CCDC178: variants seen among roughly 807,000 people sequenced by gnomAD.
The protein encoded by CCDC178 is coiled-coil domain-containing protein 178.
A neutral mutation model predicts 117.4 loss-of-function variants in CCDC178; 126 were observed. The observed-to-expected ratio is 1.07, with a 90% CI of 0.93 to 1.24. CCDC178 has a LOEUF of 1.24. Ranked by LOEUF, CCDC178 falls within the 50% of genes most tolerant of loss-of-function variation. CCDC178 has a pLI of 0.00. For synonymous variants in CCDC178, 283 were observed against 313.4 expected, an observed-to-expected ratio of 0.90 and a Z score of 1.02; for missense variants, 1,030 against 986.9, an observed-to-expected ratio of 1.04 and a Z score of -0.59.
At chr18:33,033,024 C>T (rs1375089339) in intron 21 of CCDC178, among the ~76,000 whole-genome samples, 1 of 152,038 alleles carries the variant, frequency 6.6e-6, no homozygotes, top group Admixed American at 6.6e-5. Context: ...TGTTTGCTCC[C>T]TGTTACTCTT....
intron 21 of CCDC178, among the ~76,000 whole-genome samples, chr18:33,004,302 G>C (rs1453792773): frequency 1.3e-5 from 2 of 151,934 alleles, no homozygotes. Context: ...TAGACCAATA[G>C]AACAGAATAG....
chr18:33,333,124 TG>T (rs1364234733), intron 10 of CCDC178, 49 bp downstream of exon 10: 2 of 1,184,292 alleles, frequency 1.7e-6, no homozygotes, highest in African/African-American at 3.1e-5. Context: ...GAAAAGTTTT[TG>T]CATAACTAAG....
chr18:33,289,524 G>C (rs1476190853), intron 12 of CCDC178, among the ~76,000 whole-genome samples: 1 of 151,974 alleles, frequency 6.6e-6, no homozygotes, highest in African/African-American at 2.4e-5. Context: ...TGAGGCTGGA[G>C]AATCACTTGA....
intron 6 of CCDC178, among the ~76,000 whole-genome samples, chr18:33,368,231 G>A (rs959400241): frequency 6.6e-6 from 1 of 151,930 alleles, no homozygotes; most frequent in African/African-American, 2.4e-5. Flanking sequence ...TTTATTAAAT[G>A]TCTAGAAAAT....
chr18:33,212,082 C>T (rs763014794), intron 19 of CCDC178, 27 bp from the exon 20 acceptor site: 3 of 1,494,622 alleles, frequency 2.0e-6, no homozygotes, highest in Non-Finnish European at 2.7e-6. Context: ...CCATGTGCCA[C>T]TAATCAATTC....
At chr18:33,273,840 T>C (rs2059915066) in intron 12 of CCDC178, among the ~76,000 whole-genome samples, 2 of 151,722 alleles carry the variant, frequency 1.3e-5, no homozygotes, top group Admixed American at 6.6e-5. Context: ...ACTTAAAGCA[T>C]AGGCAACCAA....
At chr18:33,328,586 G>A (rs909123135) in intron 10 of CCDC178, among the ~76,000 whole-genome samples, 1 of 152,060 alleles carries the variant, frequency 6.6e-6, no homozygotes, top group Non-Finnish European at 1.5e-5. Flanking sequence ...ATAAATGATT[G>A]TTCTTGCACC....
At chr18:32,970,676 A>G (rs2054906460) in intron 22 of CCDC178, among the ~76,000 whole-genome samples, 1 of 152,080 alleles carries the variant, frequency 6.6e-6, no homozygotes, top group Non-Finnish European at 1.5e-5. Flanking sequence ...GATATAAGTG[A>G]AAACAAGATA....
chr18:33,292,126 C>T (rs1295024870), intron 12 of CCDC178, among the ~76,000 whole-genome samples: 1 of 152,014 alleles, frequency 6.6e-6, no homozygotes, highest in Non-Finnish European at 1.5e-5. Context: ...GAGATATCTA[C>T]ACCTTCATGT....
chr18:33,296,438 G>T (rs2062107045), intron 11 of CCDC178, among the ~76,000 whole-genome samples: 1 of 151,684 alleles, frequency 6.6e-6, no homozygotes, highest in South Asian at 2.1e-4. Context: ...ATCATGAAAT[G>T]ATTAGGCTTA....
intron 2 of CCDC178, among the ~76,000 whole-genome samples, chr18:33,436,335 T>C (rs112408361): frequency 2.3e-3 from 357 of 152,240 alleles, no homozygotes; most frequent in African/African-American, 8.0e-3. Context: ...TAACAAGATG[T>C]CCAGGACAGC....
intron 11 of CCDC178, among the ~76,000 whole-genome samples, chr18:33,297,342 A>T (rs2062118437): frequency 6.6e-6 from 1 of 152,086 alleles, no homozygotes; most frequent in Admixed American, 6.5e-5. Flanking sequence ...CAAAAGCAGA[A>T]GTAATAAAAT....
At chr18:33,364,433 G>A (rs2063172093) in intron 6 of CCDC178, among the ~76,000 whole-genome samples, 1 of 152,138 alleles carries the variant, frequency 6.6e-6, no homozygotes, top group Non-Finnish European at 1.5e-5. Flanking sequence ...AAGTGGAATG[G>A]AGAAAGAAAG....
chr18:32,938,773 G>T (rs1053140414), intron 22 of CCDC178, among the ~76,000 whole-genome samples: 1 of 152,116 alleles, frequency 6.6e-6, no homozygotes, highest in African/African-American at 2.4e-5. Flanking sequence ...CACATAAAAA[G>T]TTAGTTCTTG....
At chr18:33,179,561 C>T (rs1025558801) in intron 20 of CCDC178, among the ~76,000 whole-genome samples, 20 of 151,930 alleles carry the variant, frequency 1.3e-4, no homozygotes, top group Non-Finnish European at 2.6e-4. Context: ...ACTAATGTCT[C>T]TCTCTGTCAT....
rs899152972 is a variant in CCDC178, at chr18:33,415,352, T to C, written c.-22-3242A>G. On this transcript the variant is annotated intron_variant, in intron 2 of 22. Coordinates refer to ENST00000383096, the MANE Select transcript of CCDC178 (RefSeq NM_001105528.4). ...TTAAGAAAATGTGGCACATATACAC[T>C]ATGGAATACTATGCAGCCATAAAAA... Among the ~76,000 whole-genome samples, 11 of 152,130 alleles carry C rather than the reference T, an allele frequency of 7.2e-5. No homozygotes were observed. The South Asian group carries it at 1.0e-3, about 14-fold the overall frequency.
chr18:33,031,632 T>G (rs1397337476), intron 21 of CCDC178, among the ~76,000 whole-genome samples: 1 of 152,120 alleles, frequency 6.6e-6, no homozygotes, highest in Non-Finnish European at 1.5e-5. Flanking sequence ...TTTGTTCCTA[T>G]GGATTCAAGG....
At chr18:33,148,853 C>A (rs1378160359) in intron 20 of CCDC178, among the ~76,000 whole-genome samples, 1 of 152,086 alleles carries the variant, frequency 6.6e-6, no homozygotes, top group African/African-American at 2.4e-5. Context: ...ATTTTTGTAA[C>A]CAGAAGGGTC....
chr18:33,172,034 C>A (rs1394719304), intron 20 of CCDC178, among the ~76,000 whole-genome samples: 1 of 152,164 alleles, frequency 6.6e-6, no homozygotes, highest in African/African-American at 2.4e-5. Flanking sequence ...CCTCAGCCTC[C>A]TGAGTAGCTG....
Sources: gnomAD v4.1 joint callset for allele counts (sites outside exome capture counted in the v4.1 genomes callset) on GRCh38, gnomAD v4.1.1 for gene constraint, MANE v1.5 for transcripts, NCBI Gene and HGNC (gene_info 2026-07-23, HGNC 2026-07-21) for gene names.